The following SEC24C variants were observed in gnomAD, a reference collection of about 807,000 sequenced individuals.
SEC24C encodes the protein SEC24 homolog C, COPII component, also known as protein transport protein Sec24C.
A neutral mutation model predicts 117.0 loss-of-function variants in SEC24C; 22 were observed. That is an observed-to-expected ratio of 0.19 (90% CI 0.13 to 0.27). The LOEUF (loss-of-function observed/expected upper bound fraction) is 0.27. Among genes scored for constraint, SEC24C ranks in the 10% least tolerant of loss-of-function variants. SEC24C has a pLI of 1.00. For synonymous variants in SEC24C, 506 were observed against 529.4 expected, an observed-to-expected ratio of 0.96 and a Z score of 0.61; for missense variants, 1,155 against 1,375.1, an observed-to-expected ratio of 0.84 and a Z score of 2.53.
chr10:73,761,611 C>T (rs1308247721), intron 6 of SEC24C, among the ~76,000 whole-genome samples: 1 of 152,162 alleles, frequency 6.6e-6, no homozygotes, highest in East Asian at 1.9e-4. Context: ...CCCTCTTCCT[C>T]CTTTGGGTAA....
chr10:73,762,616 A>G (rs948536990), intron 6 of SEC24C, among the ~76,000 whole-genome samples: 7 of 152,188 alleles, frequency 4.6e-5, no homozygotes, highest in East Asian at 1.9e-4. Flanking sequence ...CTTACAGGAG[A>G]AGGGACTGCT....
chr10:73,770,530 G>A, intron 21 of SEC24C, 59 bp downstream of exon 21: 2 of 1,586,684 alleles, frequency 1.3e-6, no homozygotes, highest in Non-Finnish European at 1.7e-6. Context: ...GAAACAATTG[G>A]GAGCCAATAT....
rs975353844 is a variant in SEC24C at position 73,746,838 on chromosome 10, C to T, written c.6C>T (p.Asn2=). 47 of 1,604,788 alleles carry T rather than the reference C, an allele frequency of 2.9e-5. No individual in the cohort carries two copies. The highest frequency in any genetic ancestry group is 3.8e-5 in the Non-Finnish European group (45 of 1,175,002). Residue 2 remains asparagine, a synonymous_variant, in exon 2 of 23, where the codon AAC becomes AAT. Coordinates refer to ENST00000345254, the MANE Select transcript of SEC24C (RefSeq NM_198597.3). ...AAATTGGGAATGCTTTCATAATGAA[C>T]GTCAACCAGTCAGTTCCACCTGTGC... M[N]VNQSVPPVPP...
chr10:73,765,624 C>T, intron 9 of SEC24C, 35 bp downstream of exon 9: 1 of 1,606,842 alleles, frequency 6.2e-7, no homozygotes, highest in Non-Finnish European at 8.5e-7. Flanking sequence ...GGGGGAAGGT[C>T]TTGATTGTAT....
At chr10:73,770,633 G>A in intron 21 of SEC24C, 76 bp from the exon 22 acceptor site, 1 of 1,530,360 alleles carries the variant, frequency 6.5e-7, no homozygotes, top group Non-Finnish European at 9.1e-7. Context: ...TTCAGATGAT[G>A]CATACATGTA....
rs776744012 is a variant in SEC24C, at chr10:73,769,011, C to A, written c.2283C>A (p.Ile761=). 7.4e-6 allele frequency: 12 copies of A among 1,614,070 alleles called. No homozygotes were observed. In the East Asian group the frequency reaches 2.7e-4, roughly 36 times the overall value. The change falls in exon 17 of 23, where the codon ATC becomes ATA. Residue 761 remains isoleucine, a synonymous_variant. Coordinates refer to ENST00000345254, the MANE Select transcript of SEC24C (RefSeq NM_198597.3). The surrounding 1 kb of genome is among the most constrained non-coding windows in gnomAD (Gnocchi z 4.5). ...ACCCTGTCCATGTGGCCTCAGGTAT[C>A]CGTGCTGTAGATTTCTTTGGAGCTT... ...AVMRVRTSTG[I]RAVDFFGAFY...
intron 21 of SEC24C, 38 bp downstream of exon 21, chr10:73,770,509 G>A (rs781219301): frequency 1.2e-6 from 2 of 1,605,920 alleles, no homozygotes; most frequent in African/African-American, 1.3e-5. Context: ...GGGTGTGGAA[G>A]TATACTTTGT....
intron 8 of SEC24C, among the ~76,000 whole-genome samples, chr10:73,764,397 G>A (rs897097874): frequency 1.3e-5 from 2 of 152,010 alleles, no homozygotes; most frequent in South Asian, 2.1e-4. Flanking sequence ...GGTGGCGGGC[G>A]CCTGTAGTCC....
At position 73,746,898 on chromosome 10, in the gene SEC24C, G is replaced by T; in HGVS notation, c.66G>T (p.Gly22=). 1.2e-6 allele frequency: 2 copies of T among 1,613,774 alleles called. No individual in the cohort carries two copies. Among genetic ancestry groups the T allele is most frequent in the South Asian group, 1.1e-5 (1 of 90,952 alleles). Residue 22 remains glycine, a synonymous_variant, in exon 2 of 23, where the codon GGG becomes GGT. Coordinates refer to ENST00000345254, the MANE Select transcript of SEC24C (RefSeq NM_198597.3). The part of the protein sequence containing the change: ...PFGQPQPIYP[G]YHQSSYGGQS... ...GGCAGCCCCAGCCCATCTACCCAGG[G>T]TATCATCAGTCCAGCTATGGTGGGC...
chr10:73,764,540 A>C (rs964993300), intron 8 of SEC24C, among the ~76,000 whole-genome samples: 2 of 150,292 alleles, frequency 1.3e-5, no homozygotes, highest in South Asian at 2.1e-4. Flanking sequence ...AAAAAAAAAA[A>C]CAAGAGGTAG....
At chr10:73,754,301 G>C (rs1435975053) in intron 3 of SEC24C, among the ~76,000 whole-genome samples, 1 of 152,142 alleles carries the variant, frequency 6.6e-6, no homozygotes, top group East Asian at 1.9e-4. Flanking sequence ...TATAATCTCA[G>C]CTACTTGGGA....
At position 73,763,504 on chromosome 10, in the gene SEC24C, A is replaced by G. The variant is rs751793134; in HGVS notation, c.1002A>G (p.Glu334=). The part of the protein sequence containing the change: ...DAIPSPIQVI[E]DDRNNRGTEP... ...CTTCTCTGCAGATTCAGGTCATTGA[A>G]GATGACAGGAACAACCGGGGTACAG... The change falls in exon 7 of 23, where the codon GAA becomes GAG. Residue 334 remains glutamate, a synonymous_variant. Transcript: ENST00000345254. The G allele has an allele frequency of 1.9e-6, 3 of 1,610,844 alleles. No homozygotes were observed. In the South Asian group the frequency reaches 3.3e-5, roughly 18 times the overall value.
intron 20 of SEC24C, 43 bp from the exon 21 acceptor site, chr10:73,770,237 C>T: frequency 6.5e-7 from 1 of 1,548,978 alleles, no homozygotes; most frequent in Non-Finnish European, 8.7e-7. Context: ...GCAGACTTGT[C>T]TTATGGTCCT....
At chr10:73,754,143 GGT>G (rs2082679326) in intron 3 of SEC24C, among the ~76,000 whole-genome samples, 1 of 152,086 alleles carries the variant, frequency 6.6e-6, no homozygotes, top group African/African-American at 2.4e-5. Context: ...GGCTGGGTGT[GGT>G]GGCTTATACC....
In SEC24C at chr10:73,766,398, C is replaced by T; in HGVS notation, c.1656C>T (p.Tyr552=). 3 of 1,613,754 alleles carry T rather than the reference C, an allele frequency of 1.9e-6. No individual in the cohort carries two copies. The highest frequency in any genetic ancestry group is 4.5e-5 in the East Asian group (2 of 44,878). Residue 552 remains tyrosine (Y), a synonymous_variant, in exon 12 of 23, where the codon TAC becomes TAT. Coordinates refer to ENST00000345254, the MANE Select transcript of SEC24C (RefSeq NM_198597.3). ...ESAIRVGFVT[Y]NKVLHFYNVK... is the part of the protein sequence containing the mutation. ...CAATCCGCGTTGGCTTTGTCACCTA[C>T]AATAAGGTGCTCCACTTCTATAATG...
At chr10:73,770,671 G>A (rs1213258129) in intron 21 of SEC24C, 38 bp from the exon 22 acceptor site, 4 of 1,605,856 alleles carry the variant, frequency 2.5e-6, no homozygotes, top group Non-Finnish European at 3.4e-6. Flanking sequence ...TGAACTCAGA[G>A]TGCCTTACCA....
chr10:73,752,593 C>T lies in SEC24C; in HGVS notation c.308+1350C>T, dbSNP rs559485250. Among the ~76,000 whole-genome samples the T allele has an allele frequency of 2.6e-5, 4 of 152,230 alleles. No homozygotes were observed. The East Asian group carries it at 7.7e-4, about 29-fold the overall frequency. Reference sequence around the variant, plus strand: ...AACAAGTGGGGTACATAGAAGATAACAAGTACACAAATGTACATAAAGTTA... The same window carrying T: ...AACAAGTGGGGTACATAGAAGATAATAAGTACACAAATGTACATAAAGTTA... On this transcript the variant is annotated intron_variant, in intron 3 of 22. Transcript: ENST00000345254.
intron 15 of SEC24C, 41 bp downstream of exon 15, chr10:73,768,048 G>A (rs1180563261): frequency 6.3e-6 from 10 of 1,576,796 alleles, no homozygotes; most frequent in Non-Finnish European, 8.6e-6. Context: ...CAGCAGGGCT[G>A]GGAATATCTG....
chr10:73,744,992 AC>A (rs1307394404), intron 1 of SEC24C, among the ~76,000 whole-genome samples: 22 of 22,662 alleles, frequency 9.7e-4, no homozygotes, highest in Admixed American at 2.6e-3. Flanking sequence ...AGTGTCAGTG[AC>A]CTACCTCTGT....
Sources: allele counts gnomAD v4.1 joint callset (sites outside exome capture counted in the v4.1 genomes callset), GRCh38; gene constraint gnomAD v4.1.1; non-coding constraint Gnocchi (gnomAD v3.1); transcripts MANE v1.5; gene names NCBI Gene and HGNC (gene_info 2026-07-23, HGNC 2026-07-21).